Variants in ADAMTSL1 observed in about 807,000 individuals in gnomAD.
ADAMTSL1 encodes ADAMTS like 1, also known as ADAMTS-like protein 1.
A neutral mutation model predicts 201.8 loss-of-function variants in ADAMTSL1; 126 were observed. That is an observed-to-expected ratio of 0.62 (90% CI 0.54 to 0.72). The LOEUF (loss-of-function observed/expected upper bound fraction) is 0.72. ADAMTSL1 is among the 30% of genes least tolerant of loss of function. The pLI is 0.00. For synonymous variants in ADAMTSL1, 1,121 were observed against 903.4 expected, an observed-to-expected ratio of 1.24 and a Z score of -4.32; for missense variants, 2,679 against 2,277.8, an observed-to-expected ratio of 1.18 and a Z score of -3.59.
intron 2 of ADAMTSL1, among the ~76,000 whole-genome samples, chr9:18,507,440 A>G (rs910629065): frequency 6.6e-6 from 1 of 152,218 alleles, no homozygotes; most frequent in Non-Finnish European, 1.5e-5. Context: ...TTATAATAAT[A>G]CCAAATAAGT....
At chr9:18,819,216 G>T (rs1428797241) in intron 21 of ADAMTSL1, among the ~76,000 whole-genome samples, 5 of 152,126 alleles carry the variant, frequency 3.3e-5, no homozygotes, top group Non-Finnish European at 5.9e-5. Context: ...AGCACTTTGG[G>T]GGGCCAAGGT....
At chr9:18,839,481 C>T (rs1480975789) in intron 23 of ADAMTSL1, among the ~76,000 whole-genome samples, 1 of 152,082 alleles carries the variant, frequency 6.6e-6, no homozygotes, top group Non-Finnish European at 1.5e-5. Context: ...GTGAATAGTG[C>T]CGCAATAAAC....
intron 1 of ADAMTSL1, among the ~76,000 whole-genome samples, chr9:17,925,621 C>T (rs1335627082): frequency 7.0e-5 from 9 of 128,462 alleles, no homozygotes; most frequent in South Asian, 5.8e-4. Context: ...AACCAAACAC[C>T]GCATATTCTC....
intron 16 of ADAMTSL1, among the ~76,000 whole-genome samples, chr9:18,766,536 C>T (rs1311989159): frequency 8.5e-5 from 13 of 152,064 alleles, no homozygotes; most frequent in Non-Finnish European, 1.8e-4. Flanking sequence ...TAGTCCATTC[C>T]GGCTGCTAAA....
chr9:18,373,676 A>G (rs1293308928), intron 2 of ADAMTSL1, among the ~76,000 whole-genome samples: 2 of 152,126 alleles, frequency 1.3e-5, no homozygotes, highest in South Asian at 2.1e-4. Flanking sequence ...CAGCCTAACC[A>G]TGCCACACCA....
chr9:18,828,715 A>G (rs1484800085), intron 22 of ADAMTSL1, among the ~76,000 whole-genome samples: 6 of 117,040 alleles, frequency 5.1e-5, no homozygotes, highest in Non-Finnish European at 1.1e-4. Flanking sequence ...GTGTGTATAT[A>G]TATATATGTA....
At chr9:18,824,191 T>A (rs977054560) in intron 21 of ADAMTSL1, among the ~76,000 whole-genome samples, 6 of 151,286 alleles carry the variant, frequency 4.0e-5, no homozygotes, top group East Asian at 1.9e-4. Context: ...TTTTTTTTTT[T>A]AAATGGGAAA....
At chr9:18,699,508 T>C (rs1047106301) in intron 13 of ADAMTSL1, among the ~76,000 whole-genome samples, 1 of 151,918 alleles carries the variant, frequency 6.6e-6, no homozygotes, top group Admixed American at 6.6e-5. Flanking sequence ...ATAATTATTA[T>C]TGGTAGACAT....
intron 2 of ADAMTSL1, among the ~76,000 whole-genome samples, chr9:18,246,714 A>G (rs1292643759): frequency 6.6e-6 from 1 of 152,208 alleles, no homozygotes; most frequent in African/African-American, 2.4e-5. Flanking sequence ...ATACTCTTCC[A>G]TATGTTTTAA....
chr9:18,903,226 A>T (rs1830110542), intron 26 of ADAMTSL1, among the ~76,000 whole-genome samples: 4 of 152,180 alleles, frequency 2.6e-5, no homozygotes, highest in Admixed American at 2.6e-4. Flanking sequence ...AAAGAAACCA[A>T]GTATTAATCA....
chr9:18,671,089 A>G lies in ADAMTSL1; in HGVS notation c.1086-4768A>G, dbSNP rs371223043. On this transcript the variant is annotated intron_variant, in intron 9 of 28. Coordinates refer to ENST00000380548, the MANE Select transcript of ADAMTSL1 (RefSeq NM_001040272.6). ...GAGAAAACATCTGTACATATTCATTACAGACGCAACTATCCATTTTTTTTC... is the reference window on the plus strand; with the variant it reads ...GAGAAAACATCTGTACATATTCATTGCAGACGCAACTATCCATTTTTTTTC... 9.8e-5 allele frequency among the ~76,000 whole-genome samples: 15 copies of G among 152,342 alleles called. No homozygotes were observed. The South Asian group carries it at 2.5e-3, about 25-fold the overall frequency.
chr9:18,442,774 C>T (rs1008858868), intron 2 of ADAMTSL1, among the ~76,000 whole-genome samples: 18 of 152,198 alleles, frequency 1.2e-4, no homozygotes, highest in Non-Finnish European at 2.1e-4. Flanking sequence ...GCTGGCTTTG[C>T]TGTCATGCAT....
intron 9 of ADAMTSL1, among the ~76,000 whole-genome samples, chr9:18,668,848 G>A (rs980664038): frequency 1.3e-5 from 2 of 152,168 alleles, no homozygotes; most frequent in Non-Finnish European, 2.9e-5. Context: ...ACAGTCCCTA[G>A]GTTAGCGGGC....
At chr9:18,118,521 A>G (rs1040307707) in intron 1 of ADAMTSL1, among the ~76,000 whole-genome samples, 8 of 152,196 alleles carry the variant, frequency 5.3e-5, no homozygotes, top group African/African-American at 1.7e-4. Flanking sequence ...TCTGATTGGT[A>G]TGCTCACAGA....
rs530363921 is a variant in ADAMTSL1 at position 18,247,984 on chromosome 9, G to A, written c.207+84003G>A. Among the ~76,000 whole-genome samples the A allele has an allele frequency of 6.6e-5, 10 of 152,150 alleles. No individual in the cohort carries two copies. In the South Asian group the frequency reaches 1.9e-3, roughly 28 times the overall value. ...TGGTCATTTTATTTTCCTTTTCCACGGACTGGGGAAGACATTCCAAAGTTG... is the reference window on the plus strand; with the variant it reads ...TGGTCATTTTATTTTCCTTTTCCACAGACTGGGGAAGACATTCCAAAGTTG... On this transcript the variant is annotated intron_variant, in intron 2 of 29. Coordinates refer to the ADAMTSL1 transcript ENST00000680146.
intron 2 of ADAMTSL1, among the ~76,000 whole-genome samples, chr9:18,513,117 T>C (rs1281796987): frequency 6.6e-6 from 1 of 152,194 alleles, no homozygotes; most frequent in Non-Finnish European, 1.5e-5. Context: ...TCTTGGTTAT[T>C]TCCCTTCCTC....
At position 17,924,773 on chromosome 9, in the gene ADAMTSL1, C is replaced by T. The variant is rs1208070082; in HGVS notation, c.87+17851C>T. Among the ~76,000 whole-genome samples, 8 of 124,248 alleles carry T rather than the reference C, an allele frequency of 6.4e-5. No homozygotes were observed. In the East Asian group the frequency reaches 1.8e-3, roughly 29 times the overall value. 81.5% of individuals were successfully genotyped at this position (124,248 alleles called of 152,430 possible). A position where few individuals can be genotyped will look rare whatever the true frequency, so the allele number is the denominator to read the frequency against. On this transcript the variant is annotated intron_variant, in intron 1 of 29. Transcript: ENST00000680146. ...ACCCTAGAAGAAAACCTAGGCATTA[C>T]CATTCAGGACATAGGCATGGGCAAG...
At chr9:18,778,122 T>C (rs1821171900) in intron 19 of ADAMTSL1, among the ~76,000 whole-genome samples, 1 of 152,240 alleles carries the variant, frequency 6.6e-6, no homozygotes, top group African/African-American at 2.4e-5. Context: ...GTTCTCATCT[T>C]TATAAGGAAA....
At chr9:18,707,950 G>C (rs1200379414) in intron 14 of ADAMTSL1, among the ~76,000 whole-genome samples, 1 of 152,180 alleles carries the variant, frequency 6.6e-6, no homozygotes, top group African/African-American at 2.4e-5. Flanking sequence ...AAATACGGTA[G>C]ATTCATATTG....
Sources: allele counts gnomAD v4.1 joint callset (sites outside exome capture counted in the v4.1 genomes callset), GRCh38; gene constraint gnomAD v4.1.1; transcripts MANE v1.5; gene names NCBI Gene and HGNC (gene_info 2026-07-23, HGNC 2026-07-21).